Variants in KYNU observed in about 807,000 individuals in gnomAD.
KYNU encodes L-kynurenine hydrolase.
Under a neutral mutation model 59.2 loss-of-function variants are expected in KYNU, and 54 were observed. The ratio of observed to expected loss-of-function variants is 0.91; its 90% CI spans 0.73 to 1.14. KYNU has a LOEUF of 1.14. Among genes scored for constraint, KYNU ranks in the 50% most tolerant of loss-of-function variants. The pLI, the probability that KYNU is intolerant of heterozygous loss-of-function variation, is 0.00. For synonymous variants in KYNU, 177 were observed against 192.0 expected (o/e 0.92, Z 0.65); for missense variants, 567 against 554.4 (o/e 1.02, Z -0.23).
rs144117952 is a variant in KYNU, at chr2:143,046,685, A to T, written c.*4513A>T. On this transcript the variant is annotated 3_prime_UTR_variant, in exon 14 of 14. Coordinates refer to ENST00000264170, the MANE Select transcript of KYNU (RefSeq NM_003937.3). ...ATACTTCACTTCCTTAATTACTACA[A>T]CATAGCAGGGCCTGGCATCTGCTAG... 20 of 152,112 alleles carry T rather than the reference A, an allele frequency of 1.3e-4. No homozygotes were observed. The highest frequency in any genetic ancestry group is 4.8e-4 in the African/African-American group (20 of 41,508). 9.4% of individuals were successfully genotyped at this position (152,112 alleles called of 1,614,324 possible).
intron 2 of KYNU, among the ~76,000 whole-genome samples, chr2:142,914,505 C>T (rs1397566904): frequency 6.6e-6 from 1 of 152,168 alleles, no homozygotes; most frequent in Non-Finnish European, 1.5e-5. Context: ...CTGCATTTTT[C>T]TTTAGAGTGC....
At chr2:142,984,168 A>G (rs941266229) in intron 8 of KYNU, among the ~76,000 whole-genome samples, 1 of 152,040 alleles carries the variant, frequency 6.6e-6, no homozygotes, top group African/African-American at 2.4e-5. Context: ...TCAATGCACA[A>G]TATGTAACAT....
chr2:142,946,203 T>TC (rs1000762539), intron 4 of KYNU, among the ~76,000 whole-genome samples: 153 of 152,068 alleles, frequency 1.0e-3, no homozygotes, highest in African/African-American at 3.3e-3. Context: ...GGCCTCAGCT[T>TC]CCCCCGAGTA....
chr2:142,931,548 TA>T, intron 4 of KYNU, among the ~76,000 whole-genome samples: 1 of 151,772 alleles, frequency 6.6e-6, no homozygotes, highest in East Asian at 1.9e-4. Flanking sequence ...GGAGGGGAGG[TA>T]ATTTCTGAGT....
chr2:142,922,112 T>G (rs1036137507), intron 3 of KYNU, among the ~76,000 whole-genome samples: 1 of 152,156 alleles, frequency 6.6e-6, no homozygotes, highest in African/African-American at 2.4e-5. Flanking sequence ...AATGGAAGAT[T>G]ATGGGAATCA....
At chr2:143,013,863 T>C (rs1573901085) in intron 10 of KYNU, among the ~76,000 whole-genome samples, 1 of 152,220 alleles carries the variant, frequency 6.6e-6, no homozygotes, top group African/African-American at 2.4e-5. Flanking sequence ...GATGTGCTTG[T>C]ACCCTTTTGG....
intron 2 of KYNU, among the ~76,000 whole-genome samples, chr2:142,909,300 G>A (rs1176987425): frequency 6.6e-6 from 1 of 151,784 alleles, no homozygotes; most frequent in Non-Finnish European, 1.5e-5. Flanking sequence ...TATATTAAAG[G>A]GACATACAGG....
chr2:142,928,883 C>T (rs1683122320), intron 4 of KYNU, among the ~76,000 whole-genome samples: 1 of 151,350 alleles, frequency 6.6e-6, no homozygotes, highest in African/African-American at 2.4e-5. Context: ...GCTGGCACAC[C>T]CGTAGTCCCA....
chr2:142,985,920 C>T (rs1403460673), intron 9 of KYNU, 28 bp from the exon 10 acceptor site: 8 of 1,474,942 alleles, frequency 5.4e-6, no homozygotes, highest in Middle Eastern at 1.7e-4. Context: ...TAAGTAAACC[C>T]ACATAATTTA....
In KYNU at chr2:143,046,879, G is replaced by T. The variant is rs2104932168; in HGVS notation, c.*4707G>T. 6.6e-6 allele frequency: 1 copy of T among 152,156 alleles called. No individual in the cohort carries two copies. Among genetic ancestry groups the T allele is most frequent in the African/African-American group, 2.4e-5 (1 of 41,502 alleles). The allele number at this position is 152,156 out of a possible 1,614,324, so 9.4% of individuals were successfully genotyped here. ...TCAATTGAACTGCAATTAAATTTTA[G>T]ATCAGTTTTGGAAGAATTGACTCAA... On this transcript the variant is annotated 3_prime_UTR_variant, in exon 14 of 14. Coordinates refer to ENST00000264170, the MANE Select transcript of KYNU (RefSeq NM_003937.3).
In KYNU at chr2:143,040,605, T is replaced by G. The variant is rs1687017526; in HGVS notation, c.1219T>G (p.Phe407Val). 6.2e-7 allele frequency: 1 copy of G among 1,611,492 alleles called. No homozygotes were observed. Among genetic ancestry groups the G allele is most frequent in the Non-Finnish European group, 8.5e-7 (1 of 1,178,592 alleles). ...GCGGGGGTGCCAGCTAACAATAACATTTTCTGTTCCAAACAAAGATGTTTT... is the reference window on the plus strand; with the variant it reads ...GCGGGGGTGCCAGCTAACAATAACAGTTTCTGTTCCAAACAAAGATGTTTT... Reference protein sequence around the residue: ...EERGCQLTITFSVPNKDVFQE... With the variant: ...EERGCQLTITVSVPNKDVFQE... Residue 407 changes from phenylalanine (F) to valine (V), a missense_variant, in exon 13 of 14, where the codon TTT (phenylalanine) becomes GTT (valine). Physicochemically the swap from Phe to Val is conservative, Grantham distance 50 (BLOSUM62 -1). Coordinates refer to ENST00000264170, the MANE Select transcript of KYNU (RefSeq NM_003937.3).
chr2:142,904,732 T>TA (rs949874495), intron 2 of KYNU, among the ~76,000 whole-genome samples: 3 of 152,228 alleles, frequency 2.0e-5, no homozygotes, highest in East Asian at 3.8e-4. Flanking sequence ...CCAGCACCCC[T>TA]AGTCATTTTC....
At chr2:143,026,625 C>T (rs1686572857) in intron 10 of KYNU, among the ~76,000 whole-genome samples, 1 of 152,240 alleles carries the variant, frequency 6.6e-6, no homozygotes, top group Non-Finnish European at 1.5e-5. Context: ...TGACCCCACA[C>T]TTTAGAACCG....
chr2:142,943,909 A>G (rs907814555), intron 4 of KYNU, among the ~76,000 whole-genome samples: 25 of 152,242 alleles, frequency 1.6e-4, no homozygotes, highest in African/African-American at 6.0e-4. Context: ...GCTTAATAAA[A>G]TATACAGAAC....
intron 5 of KYNU, among the ~76,000 whole-genome samples, chr2:142,955,888 T>G (rs1027071359): frequency 6.6e-6 from 1 of 152,112 alleles, no homozygotes; most frequent in African/African-American, 2.4e-5. Context: ...ATTAACAGCT[T>G]TTTTTGTTGT....
intron 10 of KYNU, among the ~76,000 whole-genome samples, chr2:142,993,809 A>C (rs113386319): frequency 0.013 from 2,010 of 152,168 alleles, 23 homozygotes; most frequent in Non-Finnish European, 0.021. Context: ...CCAAAATAGT[A>C]ATTATCAGTA....
At chr2:143,013,772 A>G (rs1010709785) in intron 10 of KYNU, among the ~76,000 whole-genome samples, 1 of 152,130 alleles carries the variant, frequency 6.6e-6, no homozygotes, top group Non-Finnish European at 1.5e-5. Context: ...ATGACATTGC[A>G]AAGGTAGATG....
chr2:143,038,378 G>A lies in KYNU; in HGVS notation c.1042-2050G>A, dbSNP rs138310022. On this transcript the variant is annotated intron_variant, in intron 12 of 13. Transcript: ENST00000264170. The stretch of plus-strand genomic sequence containing the variant: ...GTCCCTGCTCCTCTGGGAGAATTTT[G>A]ATTCTTGTCCCTTGACCCAAAACTT... 5.4e-4 allele frequency among the ~76,000 whole-genome samples: 82 copies of A among 152,208 alleles called. 2 individuals carry two copies. The highest frequency in any genetic ancestry group is 1.9e-3 in the African/African-American group (80 of 41,532).
chr2:142,915,089 G>T (rs916790267), intron 2 of KYNU, among the ~76,000 whole-genome samples: 1 of 152,176 alleles, frequency 6.6e-6, no homozygotes, highest in Non-Finnish European at 1.5e-5. Context: ...CTGCAAAAGG[G>T]TCATACCTGA....
Sources: gnomAD v4.1 joint callset for allele counts (sites outside exome capture counted in the v4.1 genomes callset) on GRCh38, gnomAD v4.1.1 for gene constraint, MANE v1.5 for transcripts, NCBI Gene and HGNC (gene_info 2026-07-23, HGNC 2026-07-21) for gene names.